The following DMRT1 variants were observed in gnomAD, a reference collection of about 807,000 sequenced individuals.
DMRT1 encodes doublesex- and mab-3-related transcription factor 1.
A neutral mutation model predicts 32.3 loss-of-function variants in DMRT1; 7 were observed. That is an observed-to-expected ratio of 0.22 (90% CI 0.12 to 0.41). DMRT1 has a LOEUF of 0.41. Among genes scored for constraint, DMRT1 ranks in the 10% least tolerant of loss-of-function variants. DMRT1 has a pLI of 1.00. For synonymous variants in DMRT1, 278 were observed against 206.1 expected, an observed-to-expected ratio of 1.35 and a Z score of -2.99; for missense variants, 625 against 500.5, an observed-to-expected ratio of 1.25 and a Z score of -2.37.
intron 2 of DMRT1, among the ~76,000 whole-genome samples, chr9:892,279 A>G (rs1318773537): frequency 6.6e-6 from 1 of 151,972 alleles, no homozygotes; most frequent in East Asian, 1.9e-4. Flanking sequence ...GCTCTCCTTT[A>G]TTCTGTAACA....
At chr9:924,088 T>TCCCC (rs1554757298) in intron 4 of DMRT1, among the ~76,000 whole-genome samples, 3 of 144,316 alleles carry the variant, frequency 2.1e-5, no homozygotes, top group South Asian at 2.2e-4. Flanking sequence ...TTTTTTTTTT[T>TCCCC]CCACCTGGAG....
chr9:858,891 A>T (rs1017868952), intron 2 of DMRT1, among the ~76,000 whole-genome samples: 4 of 148,624 alleles, frequency 2.7e-5, no homozygotes, highest in Middle Eastern at 3.2e-3. Flanking sequence ...ATATATATAT[A>T]TATTTATCAT....
intron 2 of DMRT1, among the ~76,000 whole-genome samples, chr9:874,883 C>T (rs1177364909): frequency 1.4e-5 from 2 of 141,434 alleles, no homozygotes; most frequent in Non-Finnish European, 3.0e-5. Context: ...TCTCACTTCA[C>T]TGCAAGCTCC....
At chr9:883,649 G>T (rs192051462) in intron 2 of DMRT1, among the ~76,000 whole-genome samples, 2 of 151,354 alleles carry the variant, frequency 1.3e-5, no homozygotes, top group Non-Finnish European at 2.9e-5. Flanking sequence ...AAAAATTGCC[G>T]TGTATGGTGG....
At chr9:929,584 G>A (rs1046960968) in intron 4 of DMRT1, among the ~76,000 whole-genome samples, 6 of 151,912 alleles carry the variant, frequency 3.9e-5, no homozygotes, top group Admixed American at 2.6e-4. Flanking sequence ...AAGGTCAAAA[G>A]AATATTCTTT....
At chr9:963,293 C>T (rs1288344110) in intron 4 of DMRT1, among the ~76,000 whole-genome samples, 5 of 152,150 alleles carry the variant, frequency 3.3e-5, no homozygotes, top group Non-Finnish European at 5.9e-5. Flanking sequence ...AACCGATACT[C>T]GATTTTAAAG....
At chr9:931,545 A>G (rs556273635) in intron 4 of DMRT1, among the ~76,000 whole-genome samples, 8 of 152,190 alleles carry the variant, frequency 5.3e-5, no homozygotes, top group South Asian at 4.1e-4. Flanking sequence ...TTATTTTCTT[A>G]TAGTCTGGAG....
At chr9:893,265 G>A (rs981028066) in intron 2 of DMRT1, among the ~76,000 whole-genome samples, 1 of 152,238 alleles carries the variant, frequency 6.6e-6, no homozygotes, top group African/African-American at 2.4e-5. Context: ...TGTGCCAGAG[G>A]TTGGGAAACT....
At chr9:946,240 C>G (rs1184426815) in intron 4 of DMRT1, among the ~76,000 whole-genome samples, 2 of 151,816 alleles carry the variant, frequency 1.3e-5, no homozygotes, top group African/African-American at 4.8e-5. Context: ...GTATTGAATA[C>G]TGCCAAATTA....
At chr9:953,106 G>C (rs541711566) in intron 4 of DMRT1, among the ~76,000 whole-genome samples, 5 of 152,062 alleles carry the variant, frequency 3.3e-5, no homozygotes. Flanking sequence ...TGAAGAATGC[G>C]GATTTGTTCA....
At chr9:894,466 A>G in intron 3 of DMRT1, 1 of 519,388 alleles carries the variant, frequency 1.9e-6, no homozygotes, top group East Asian at 3.4e-5. Context: ...ATAATGTACA[A>G]ACTTGTTTTC....
At chr9:946,186 G>C (rs1385182663) in intron 4 of DMRT1, among the ~76,000 whole-genome samples, 2 of 148,842 alleles carry the variant, frequency 1.3e-5, no homozygotes, top group Non-Finnish European at 1.5e-5. Flanking sequence ...TTGTGCAATT[G>C]TGCTGGTGTT....
At chr9:851,904 T>G (rs886554398) in intron 2 of DMRT1, among the ~76,000 whole-genome samples, 5 of 152,014 alleles carry the variant, frequency 3.3e-5, no homozygotes, top group Non-Finnish European at 7.4e-5. Flanking sequence ...TTGCTGTTGC[T>G]TGTACCAGCA....
intron 3 of DMRT1, among the ~76,000 whole-genome samples, chr9:908,932 C>G (rs1186017168): frequency 6.6e-6 from 1 of 152,082 alleles, no homozygotes; most frequent in Non-Finnish European, 1.5e-5. Flanking sequence ...CAGCCCCACG[C>G]TTAGCACAGC....
chr9:882,960 C>A (rs1012043573), intron 2 of DMRT1, among the ~76,000 whole-genome samples: 1 of 151,522 alleles, frequency 6.6e-6, no homozygotes, highest in African/African-American at 2.4e-5. Context: ...TTAGTAGAGA[C>A]GGGGTTTCAC....
intron 4 of DMRT1, among the ~76,000 whole-genome samples, chr9:934,196 A>G (rs1453274301): frequency 2.0e-5 from 3 of 152,186 alleles, no homozygotes; most frequent in Admixed American, 6.5e-5. Context: ...GGGATGTAGC[A>G]TTCATCCCTT....
chr9:842,153 C>T lies in DMRT1; in HGVS notation c.315C>T (p.Cys105=), dbSNP rs778098130. 15 of 1,547,888 alleles carry T rather than the reference C, an allele frequency of 9.7e-6. No homozygotes were observed. Among genetic ancestry groups the T allele is most frequent in the Non-Finnish European group, 1.3e-5 (15 of 1,151,870 alleles). ...GGCGCGACTGCCAGTGCAAGAAGTG[C>T]AACCTGATCGCCGAGAGGCAGCGCG... ...CMWRDCQCKK[C]NLIAERQRVM... is the part of the protein sequence containing the mutation. Residue 105 remains cysteine, a synonymous_variant, in exon 1 of 5, where the codon TGC becomes TGT. Coordinates refer to ENST00000382276, the MANE Select transcript of DMRT1 (RefSeq NM_021951.3).
chr9:889,072 C>A (rs560281932), intron 2 of DMRT1, among the ~76,000 whole-genome samples: 2 of 152,134 alleles, frequency 1.3e-5, no homozygotes, highest in East Asian at 3.9e-4. Context: ...CAAGAATTTG[C>A]ATTTCTTTAC....
At chr9:928,828 T>TTTTA (rs201035344) in intron 4 of DMRT1, among the ~76,000 whole-genome samples, 10 of 151,886 alleles carry the variant, frequency 6.6e-5, no homozygotes, top group South Asian at 6.2e-4. Flanking sequence ...GAAATTTAAA[T>TTTTA]TTTATTTATT....
Sources: allele counts gnomAD v4.1 joint callset (sites outside exome capture counted in the v4.1 genomes callset), GRCh38; gene constraint gnomAD v4.1.1; transcripts MANE v1.5; gene names NCBI Gene and HGNC (gene_info 2026-07-23, HGNC 2026-07-21).